Variants in OSBPL9 observed in about 807,000 individuals in gnomAD.
OSBPL9 encodes oxysterol binding protein like 9, also known as oxysterol-binding protein-related protein 9.
OSBPL9 carries 40 observed loss-of-function variants against 106.6 expected under a neutral mutation model. That is an observed-to-expected ratio of 0.38 (90% CI 0.29 to 0.49). OSBPL9 has a LOEUF of 0.49. Among genes scored for constraint, OSBPL9 ranks in the 20% least tolerant of loss-of-function variants. The pLI, the probability that OSBPL9 is intolerant of heterozygous loss-of-function variation, is 0.97. For missense variants in OSBPL9, 609 were observed against 887.2 expected (o/e 0.69, Z 3.98); for synonymous variants, 269 against 295.4 (o/e 0.91, Z 0.92).
rs762086392 is a variant in OSBPL9, at chr1:51,761,951, C to G, written c.758C>G (p.Thr253Ser). Residue 253 changes from threonine (T) to serine (S), a missense_variant, in exon 11 of 24, where the codon ACT becomes AGT. Thr to Ser is a moderately conservative substitution (Grantham distance 58, BLOSUM62 1). Around this residue, in one of 5 missense-constraint regions of OSBPL9, gnomAD observed 356 missense variants for 505.8 expected, o/e 0.70. Coordinates refer to ENST00000428468, the MANE Select transcript of OSBPL9 (RefSeq NM_024586.6). The part of the protein sequence containing the change: ...PVLATLGHHQ[T>S]PTPNSTGSGH... ...TTGGCTACCTTGGGACATCATCAGACTCCTACACCAAATAGTACAGGTACA... is the reference window on the plus strand; with the variant it reads ...TTGGCTACCTTGGGACATCATCAGAGTCCTACACCAAATAGTACAGGTACA... The G allele has an allele frequency of 3.1e-6, 5 of 1,606,522 alleles. No individual in the cohort carries two copies. The highest frequency in any genetic ancestry group is 1.1e-5 in the South Asian group (1 of 90,924).
intron 1 of OSBPL9, among the ~76,000 whole-genome samples, chr1:51,626,338 G>A (rs1215340856): frequency 1.3e-5 from 2 of 151,894 alleles, no homozygotes; most frequent in African/African-American, 2.4e-5. Flanking sequence ...CAAACTTTTC[G>A]GGGATCTCAG....
At chr1:51,677,138 C>T (rs952715882) in intron 3 of OSBPL9, among the ~76,000 whole-genome samples, 1 of 152,174 alleles carries the variant, frequency 6.6e-6, no homozygotes, top group African/African-American at 2.4e-5. Flanking sequence ...TCAGCATCAC[C>T]TGGGAACTTG....
intron 8 of OSBPL9, among the ~76,000 whole-genome samples, chr1:51,751,874 C>T (rs530435159): frequency 6.6e-6 from 1 of 152,200 alleles, no homozygotes; most frequent in East Asian, 1.9e-4. Flanking sequence ...TGTGTTAGCC[C>T]AGCTTAATAA....
At chr1:51,531,660 T>C in the OSBPL9 span, among the ~76,000 whole-genome samples, 3 of 152,196 alleles carry the variant, frequency 2.0e-5, no homozygotes, top group Non-Finnish European at 4.4e-5. Flanking sequence ...GATACACTTT[T>C]AGATATCCAA....
At chr1:51,567,039 C>T in the OSBPL9 span, 1 of 152,260 alleles carries the variant, frequency 6.6e-6, no homozygotes, top group Non-Finnish European at 1.5e-5. Context: ...TGCAGTGCTA[C>T]TCTTTCTCAA....
the OSBPL9 span, among the ~76,000 whole-genome samples, chr1:51,570,715 C>T: frequency 6.6e-6 from 1 of 152,300 alleles, no homozygotes; most frequent in African/African-American, 2.4e-5. Flanking sequence ...GAGAATTATT[C>T]CTATCTCATA....
At chr1:51,642,022 A>G (rs1237451023) in intron 1 of OSBPL9, among the ~76,000 whole-genome samples, 2 of 152,180 alleles carry the variant, frequency 1.3e-5, no homozygotes, top group African/African-American at 4.8e-5. Flanking sequence ...GTAAAGGCCA[A>G]ATGTTTTTTT....
the OSBPL9 span, among the ~76,000 whole-genome samples, chr1:51,568,594 A>G: frequency 2.0e-5 from 3 of 152,056 alleles, no homozygotes; most frequent in Admixed American, 1.3e-4. Flanking sequence ...TCACTCTGTC[A>G]CCCAGGCTGT....
the OSBPL9 span, among the ~76,000 whole-genome samples, chr1:51,542,147 C>T: frequency 1.3e-5 from 2 of 152,214 alleles, no homozygotes; most frequent in Non-Finnish European, 2.9e-5. Flanking sequence ...CCCTGGCCTC[C>T]CAAAGTGCTG....
the OSBPL9 span, among the ~76,000 whole-genome samples, chr1:51,541,271 A>C: frequency 6.6e-6 from 1 of 152,218 alleles, no homozygotes; most frequent in African/African-American, 2.4e-5. Context: ...AGCTCATAGA[A>C]GGAACTCTAG....
intron 1 of OSBPL9, among the ~76,000 whole-genome samples, chr1:51,630,989 G>T (rs369920305): frequency 2.6e-5 from 4 of 152,064 alleles, no homozygotes; most frequent in South Asian, 2.1e-4. Context: ...TGCCCACTGC[G>T]CAAAGAAAAT....
intron 3 of OSBPL9, among the ~76,000 whole-genome samples, chr1:51,693,530 T>C (rs1655419318): frequency 6.6e-6 from 1 of 152,132 alleles, no homozygotes; most frequent in Non-Finnish European, 1.5e-5. Flanking sequence ...CAGAAGCATA[T>C]AGGAGGCGTA....
the OSBPL9 span, among the ~76,000 whole-genome samples, chr1:51,551,882 C>T: frequency 1.3e-5 from 2 of 151,580 alleles, no homozygotes; most frequent in Non-Finnish European, 2.9e-5. Flanking sequence ...TGTGAGACAC[C>T]GTGTCCAGCC....
chr1:51,519,333 G>T, the OSBPL9 span: 1 of 379,886 alleles, frequency 2.6e-6, no homozygotes. Context: ...CGGGGCGGGC[G>T]GGCGGGCGTC....
chr1:51,633,488 G>A (rs1645232521), intron 1 of OSBPL9, among the ~76,000 whole-genome samples: 2 of 151,746 alleles, frequency 1.3e-5, no homozygotes, highest in Admixed American at 1.3e-4. Flanking sequence ...TGGGGGAATG[G>A]GTGCGAGGTA....
At chr1:51,671,891 C>T (rs977355415) in intron 3 of OSBPL9, among the ~76,000 whole-genome samples, 2 of 152,012 alleles carry the variant, frequency 1.3e-5, no homozygotes, top group African/African-American at 2.4e-5. Flanking sequence ...GAATGACGTA[C>T]CCACCCTGCC....
intron 3 of OSBPL9, chr1:51,708,272 T>TC (rs891783893): frequency 3.3e-5 from 5 of 151,362 alleles, no homozygotes; most frequent in African/African-American, 1.2e-4. Flanking sequence ...TTCTTTTTTT[T>TC]TTTTTTTTAC....
chr1:51,536,084 A>G, the OSBPL9 span, among the ~76,000 whole-genome samples: 2 of 152,132 alleles, frequency 1.3e-5, no homozygotes, highest in Non-Finnish European at 2.9e-5. Context: ...TTTCTGAGAA[A>G]AGGACATTCT....
intron 18 of OSBPL9, 47 bp downstream of exon 18, chr1:51,784,072 T>C: frequency 6.6e-7 from 1 of 1,522,654 alleles, no homozygotes. Flanking sequence ...AGGAGAATTT[T>C]ATGAAAATGG....
Sources: allele counts gnomAD v4.1 joint callset (sites outside exome capture counted in the v4.1 genomes callset), GRCh38; gene constraint gnomAD v4.1.1; regional missense constraint gnomAD v4.1.1; transcripts MANE v1.5; gene names NCBI Gene and HGNC (gene_info 2026-07-23, HGNC 2026-07-21).